The following RTN4RL2 variants were observed in gnomAD, a reference collection of about 807,000 sequenced individuals.
RTN4RL2 encodes reticulon-4 receptor-like 2.
Under a neutral mutation model 27.8 loss-of-function variants are expected in RTN4RL2, and 9 were observed. That is an observed-to-expected ratio of 0.32 (90% CI 0.20 to 0.57). The LOEUF is 0.57. Ranked by LOEUF, RTN4RL2 falls within the 20% of genes least tolerant of loss-of-function variation. RTN4RL2 has a pLI of 0.90. For missense variants in RTN4RL2, 436 were observed against 596.8 expected (o/e 0.73, Z 2.81); for synonymous variants, 285 against 297.9 (o/e 0.96, Z 0.45).
chr11:57,460,950 C>T (rs1467074013), intron 1 of RTN4RL2, 54 bp downstream of exon 1: 3 of 1,191,128 alleles, frequency 2.5e-6, no homozygotes, highest in African/African-American at 3.2e-5. Flanking sequence ...AGAAGCAGGG[C>T]GTCCCCTCTT....
chr11:57,460,684 G>C lies in RTN4RL2; in HGVS notation c.-182G>C, dbSNP rs944026588. The C allele has an allele frequency of 3.0e-5, 9 of 297,210 alleles. No individual in the cohort carries two copies. Among genetic ancestry groups the C allele is most frequent in the African/African-American group, 2.2e-5 (1 of 44,934 alleles). The allele number at this position is 297,210 out of a possible 1,614,324, so 18.4% of individuals were successfully genotyped here. ...CCGCCCCGTCCCGTCGGGGCCGATG[G>C]CTCCTCCCGAGGCCCGCAGCCCGGG... On this transcript the variant is annotated 5_prime_UTR_variant, in exon 1 of 3. Transcript: ENST00000335099.
intron 2 of RTN4RL2, 115 bp downstream of exon 2, chr11:57,468,205 C>A: frequency 9.3e-7 from 1 of 1,071,950 alleles, no homozygotes; most frequent in Non-Finnish European, 1.3e-6. Context: ...ACCCTTCCTG[C>A]CTCAGCATCT....
Position 57,477,047 on chromosome 11 carries a change from G to C in RTN4RL2, c.*136G>C, listed in dbSNP as rs577323495. 3.9e-5 allele frequency: 35 copies of C among 901,082 alleles called. No individual in the cohort carries two copies. The highest frequency in any genetic ancestry group is 1.4e-4 in the African/African-American group (8 of 56,628). 55.8% of individuals were successfully genotyped at this position (901,082 alleles called of 1,614,324 possible). A position where few individuals can be genotyped will look rare whatever the true frequency, so the allele number is the denominator to read the frequency against. ...TCCCCTCCCAGCTCCTCTCCTCCCC[G>C]GGGAGCAGGCCGCCTCTCCTTGCCT... On this transcript the variant is annotated 3_prime_UTR_variant, in exon 3 of 3. Transcript: ENST00000335099.
intron 2 of RTN4RL2, among the ~76,000 whole-genome samples, chr11:57,468,349 A>C (rs1412032868): frequency 5.0e-5 from 7 of 140,424 alleles, no homozygotes; most frequent in African/African-American, 8.0e-5. Flanking sequence ...CACAACCTTC[A>C]CCTCTCTGCC....
At position 57,477,322 on chromosome 11, in the gene RTN4RL2, G is replaced by T. The variant is rs1051671126; in HGVS notation, c.*411G>T. 6.0e-6 allele frequency: 1 copy of T among 167,152 alleles called. No individual in the cohort carries two copies. The highest frequency in any genetic ancestry group is 2.4e-5 in the African/African-American group (1 of 42,048). 10.4% of individuals were successfully genotyped at this position (167,152 alleles called of 1,614,324 possible). A position where few individuals can be genotyped will look rare whatever the true frequency, so the allele number is the denominator to read the frequency against. ...GAGCCCCACCCAGGACCCTTTGGGG[G>T]ATGCCTCAGTCAGGGCCAGGCTGAC... On this transcript the variant is annotated 3_prime_UTR_variant, in exon 3 of 3. Transcript: ENST00000335099.
chr11:57,471,783 G>T (rs1195168601), intron 2 of RTN4RL2, among the ~76,000 whole-genome samples: 1 of 152,192 alleles, frequency 6.6e-6, no homozygotes, highest in Non-Finnish European at 1.5e-5. Context: ...ATTCAGGAGA[G>T]AACAGAAACA....
At chr11:57,461,061 C>G (rs1013130317) in intron 1 of RTN4RL2, among the ~76,000 whole-genome samples, 165 bp downstream of exon 1, 2 of 152,058 alleles carry the variant, frequency 1.3e-5, no homozygotes, top group Non-Finnish European at 2.9e-5. Flanking sequence ...CTGTTCTCAG[C>G]AGGAGGGCAC....
chr11:57,470,611 A>C (rs1943556998), intron 2 of RTN4RL2, among the ~76,000 whole-genome samples: 1 of 145,972 alleles, frequency 6.9e-6, no homozygotes, highest in Admixed American at 6.6e-5. Flanking sequence ...CACAAGGATT[A>C]AAATGTAAGG....
intron 2 of RTN4RL2, among the ~76,000 whole-genome samples, chr11:57,473,617 T>C (rs1285355049): frequency 2.0e-5 from 3 of 148,836 alleles, no homozygotes; most frequent in Non-Finnish European, 4.5e-5. Context: ...GGGCTAGGGC[T>C]GTGAAAGTCA....
Position 57,476,840 on chromosome 11 carries a change from G to A in RTN4RL2, c.1192G>A (p.Gly398Ser), listed in dbSNP as rs751693219. The change falls in exon 3 of 3, where the codon GGC (glycine) becomes AGC (serine). Residue 398 changes from glycine to serine, a missense_variant. Transcript: ENST00000335099. This position sits in a 1 kb window ranked among gnomAD's most constrained non-coding sequence, Gnocchi z 8.2. ...AACQAPPDSR[G>S]PALSAGLPSP... ...CTGCCAGGCGCCCCCGGACTCCCGAGGCCCTGCGCTCTCGGCCGGGCTCCC... is the reference window on the plus strand; with the variant it reads ...CTGCCAGGCGCCCCCGGACTCCCGAAGCCCTGCGCTCTCGGCCGGGCTCCC... 3.2e-6 allele frequency: 5 copies of A among 1,569,942 alleles called. No homozygotes were observed. The South Asian group carries it at 4.5e-5, about 14-fold the overall frequency.
Position 57,476,120 on chromosome 11 carries a change from A to C in RTN4RL2, c.514-42A>C. The C allele has an allele frequency of 6.4e-7, 1 of 1,561,270 alleles. No homozygotes were observed. Among genetic ancestry groups the C allele is most frequent in the Admixed American group, 1.8e-5 (1 of 55,710 alleles). On this transcript the variant is annotated intron_variant, in intron 2 of 2. Coordinates refer to ENST00000335099, the MANE Select transcript of RTN4RL2 (RefSeq NM_178570.3). The surrounding 1 kb of genome is among the most constrained non-coding windows in gnomAD (Gnocchi z 8.2). ...CCCAGCGGGGTCTGCACCCTACCTC[A>C]GGCCCATTCTCTTCTTCTGTGCCCC...
rs981457687 is a variant in RTN4RL2, at chr11:57,477,238, G to A, written c.*327G>A. 4 of 286,422 alleles carry A rather than the reference G, an allele frequency of 1.4e-5. No individual in the cohort carries two copies. In the Middle Eastern group the frequency reaches 2.8e-3, roughly 202 times the overall value. 17.7% of individuals were successfully genotyped at this position (286,422 alleles called of 1,614,324 possible). The stretch of plus-strand genomic sequence containing the variant: ...TCCTAAGGGCCCACAGCGGACACCA[G>A]AGGGGCTTTTGTCTGCAGAGCGTCT... On this transcript the variant is annotated 3_prime_UTR_variant, in exon 3 of 3. Coordinates refer to ENST00000335099, the MANE Select transcript of RTN4RL2 (RefSeq NM_178570.3).
At chr11:57,474,598 G>A (rs554510370) in intron 2 of RTN4RL2, among the ~76,000 whole-genome samples, 11 of 152,330 alleles carry the variant, frequency 7.2e-5, no homozygotes, top group Non-Finnish European at 1.5e-5. Flanking sequence ...CTGCACAAGA[G>A]GGGAGGACCT....
chr11:57,461,042 C>A, intron 1 of RTN4RL2, 146 bp downstream of exon 1: 2 of 471,076 alleles, frequency 4.2e-6, no homozygotes, highest in Non-Finnish European at 7.1e-6. Flanking sequence ...CGCGCCCCCG[C>A]CGCCAGGGCT....
In RTN4RL2 at chr11:57,476,281, C is replaced by T; in HGVS notation, c.633C>T (p.His211=). Residue 211 remains histidine (H), a synonymous_variant, in exon 3 of 3, where the codon CAC becomes CAT. Coordinates refer to ENST00000335099, the MANE Select transcript of RTN4RL2 (RefSeq NM_178570.3). This position sits in a 1 kb window ranked among gnomAD's most constrained non-coding sequence, Gnocchi z 8.2. ...GLGSLDRLLL[H]GNRLQGVHRA... is the part of the protein sequence containing the mutation. ...GCAGCCTGGACCGGCTGCTGCTGCACGGGAACCGGCTGCAGGGCGTGCACC... is the reference window on the plus strand; with the variant it reads ...GCAGCCTGGACCGGCTGCTGCTGCATGGGAACCGGCTGCAGGGCGTGCACC... 1 of 1,612,300 alleles carries T rather than the reference C, an allele frequency of 6.2e-7. No individual in the cohort carries two copies. Among genetic ancestry groups the T allele is most frequent in the Non-Finnish European group, 8.5e-7 (1 of 1,179,508 alleles).
In RTN4RL2 at chr11:57,470,113, G is replaced by C. The variant is rs568850084; in HGVS notation, c.513+2023G>C. Among the ~76,000 whole-genome samples, 6 of 152,274 alleles carry C rather than the reference G, an allele frequency of 3.9e-5. No homozygotes were observed. The East Asian group carries it at 1.2e-3, about 29-fold the overall frequency. ...AGTACAATTGAGCAGGCTCATTTTTGAAAGCACACAGTTTGGACTCAGCAA... is the reference window on the plus strand; with the variant it reads ...AGTACAATTGAGCAGGCTCATTTTTCAAAGCACACAGTTTGGACTCAGCAA... On this transcript the variant is annotated intron_variant, in intron 2 of 2. Coordinates refer to ENST00000335099, the MANE Select transcript of RTN4RL2 (RefSeq NM_178570.3).
At chr11:57,464,153 G>A (rs1213878025) in intron 1 of RTN4RL2, among the ~76,000 whole-genome samples, 2 of 152,208 alleles carry the variant, frequency 1.3e-5, no homozygotes, top group Non-Finnish European at 2.9e-5. Context: ...CCTGGTTGGG[G>A]GAGACATGGG....
intron 1 of RTN4RL2, among the ~76,000 whole-genome samples, chr11:57,463,475 G>A (rs775011131): frequency 6.6e-6 from 1 of 152,100 alleles, no homozygotes; most frequent in African/African-American, 2.4e-5. Flanking sequence ...CAATGAAGGC[G>A]AGCTGTAGAG....
Position 57,476,775 on chromosome 11 carries a change from G to C in RTN4RL2, c.1127G>C (p.Gly376Ala). 2 of 1,489,486 alleles carry C rather than the reference G, an allele frequency of 1.3e-6. No homozygotes were observed. Among genetic ancestry groups the C allele is most frequent in the Non-Finnish European group, 1.8e-6 (2 of 1,126,818 alleles). The allele number at this position is 1,489,486 out of a possible 1,614,324, so 92.3% of individuals were successfully genotyped here. ...GACGACTACTGGGGGGGCTACGGGG[G>C]TGAGGACCAGCGAGGGGAGCAGATG... is the stretch of plus-strand genomic sequence containing the variant. ...TEDDYWGGYGGEDQRGEQMCP... is the reference protein window; with the variant it reads ...TEDDYWGGYGAEDQRGEQMCP... The change falls in exon 3 of 3, where the codon GGT becomes GCT. Residue 376 changes from glycine to alanine, a missense_variant. Physicochemically the swap from Gly to Ala is moderately conservative, Grantham distance 60. Coordinates refer to ENST00000335099, the MANE Select transcript of RTN4RL2 (RefSeq NM_178570.3). This position sits in a 1 kb window ranked among gnomAD's most constrained non-coding sequence, Gnocchi z 8.2.
Sources: gnomAD v4.1 joint callset for allele counts (sites outside exome capture counted in the v4.1 genomes callset) on GRCh38, gnomAD v4.1.1 for gene constraint, Gnocchi (gnomAD v3.1) non-coding constraint, MANE v1.5 for transcripts, NCBI Gene and HGNC (gene_info 2026-07-23, HGNC 2026-07-21) for gene names.